ARFGEF1: variants seen among roughly 807,000 people sequenced by gnomAD.
ARFGEF1 encodes the protein brefeldin A-inhibited guanine nucleotide-exchange protein 1.
A neutral mutation model predicts 231.0 loss-of-function variants in ARFGEF1; 42 were observed. That is an observed-to-expected ratio of 0.18 (90% CI 0.14 to 0.24). The LOEUF (loss-of-function observed/expected upper bound fraction) is 0.24. Among genes scored for constraint, ARFGEF1 ranks in the 10% least tolerant of loss-of-function variants. The pLI, the probability that ARFGEF1 is intolerant of heterozygous loss-of-function variation, is 1.00. For missense variants in ARFGEF1, 1,345 were observed against 2,192.0 expected (o/e 0.61, Z 7.72); for synonymous variants, 710 against 732.3 (o/e 0.97, Z 0.49).
Position 67,227,427 on chromosome 8 carries a change from C to A in ARFGEF1, c.3743+20G>T. Reference sequence around the variant, plus strand: ...ACAACAAGATTTTCCTTCTATTAAGCAATTCAACAAATATAGTACCTGTTC... The same window carrying A: ...ACAACAAGATTTTCCTTCTATTAAGAAATTCAACAAATATAGTACCTGTTC... On this transcript the variant is annotated intron_variant, in intron 26 of 38. Coordinates refer to ENST00000262215, the MANE Select transcript of ARFGEF1 (RefSeq NM_006421.5). The A allele has an allele frequency of 1.2e-6, 2 of 1,607,486 alleles. No homozygotes were observed. The highest frequency in any genetic ancestry group is 1.7e-6 in the Non-Finnish European group (2 of 1,176,110).
intron 1 of ARFGEF1, among the ~76,000 whole-genome samples, chr8:67,329,986 C>G (rs1458692340): frequency 1.3e-5 from 2 of 151,478 alleles, no homozygotes; most frequent in Non-Finnish European, 2.9e-5. Flanking sequence ...AATTTAATAA[C>G]ACAAAACTGA....
At chr8:67,271,991 A>T (rs1191801829) in intron 9 of ARFGEF1, 55 bp from the exon 10 acceptor site, 1 of 1,100,002 alleles carries the variant, frequency 9.1e-7, no homozygotes, top group Non-Finnish European at 1.3e-6. Flanking sequence ...TTATAGTAAT[A>T]ACAGGTTGTT....
At chr8:67,228,292 A>C in intron 23 of ARFGEF1, 28 bp from the exon 24 acceptor site, 2 of 1,585,636 alleles carry the variant, frequency 1.3e-6, no homozygotes, top group Non-Finnish European at 1.7e-6. Context: ...CAATTTAAAA[A>C]ATTTATAAGT....
chr8:67,218,207 A>AAAAAAAATATATATATATAT (rs1491555936), intron 30 of ARFGEF1, 69 bp from the exon 31 acceptor site: 1 of 90,852 alleles, frequency 1.1e-5, no homozygotes, highest in African/African-American at 6.9e-5. Flanking sequence ...AAAAAAAAAA[A>AAAAAAAATATATATATATAT]ATATATATAT....
rs562598310 is a variant in ARFGEF1, at chr8:67,217,845, A to G, written c.4550T>C (p.Leu1517Pro). The change falls in exon 32 of 39, where the codon CTA (leucine) becomes CCA (proline). Residue 1517 changes from leucine to proline, a missense_variant. Leu to Pro is a moderately conservative substitution (Grantham distance 98). Coordinates refer to ENST00000262215, the MANE Select transcript of ARFGEF1 (RefSeq NM_006421.5). ...GTTGCAAGTTTTATCCCAGATTTCT[A>G]GGGTAAATTTTTCACCATTCAGAAT... ...VVILNGEKFT[L>P]EIWDKTCNCT... The G allele has an allele frequency of 1.2e-6, 2 of 1,614,084 alleles. No homozygotes were observed. Among genetic ancestry groups the G allele is most frequent in the African/African-American group, 1.3e-5 (1 of 75,048 alleles).
chr8:67,239,608 C>T (rs1213783458), intron 20 of ARFGEF1, among the ~76,000 whole-genome samples: 1 of 151,554 alleles, frequency 6.6e-6, no homozygotes. Context: ...TATACATTTG[C>T]TCATTTTCTC....
At chr8:67,278,271 T>C (rs181416248) in intron 7 of ARFGEF1, among the ~76,000 whole-genome samples, 122 of 152,326 alleles carry the variant, frequency 8.0e-4, no homozygotes, top group Middle Eastern at 6.8e-3. Flanking sequence ...TTCAATCATG[T>C]CTTCACCAGT....
chr8:67,178,484 C>A (rs1009260242), intron 5 of ARFGEF1, among the ~76,000 whole-genome samples: 10 of 152,078 alleles, frequency 6.6e-5, no homozygotes, highest in Non-Finnish European at 1.5e-4. Flanking sequence ...GGTTACATTC[C>A]AGAAGGAGGG....
At chr8:67,296,404 C>G (rs557065138) in intron 5 of ARFGEF1, 27 bp downstream of exon 5, 1 of 1,608,378 alleles carries the variant, frequency 6.2e-7, no homozygotes, top group African/African-American at 1.3e-5. Context: ...GTGTTCTATA[C>G]AACCTCTCTC....
At chr8:67,317,904 A>T (rs1203597006) in intron 1 of ARFGEF1, among the ~76,000 whole-genome samples, 1 of 150,520 alleles carries the variant, frequency 6.6e-6, no homozygotes, top group Non-Finnish European at 1.5e-5. Flanking sequence ...GTCTCAAAAA[A>T]AAAAAAAAAA....
intron 7 of ARFGEF1, among the ~76,000 whole-genome samples, chr8:67,286,740 G>GA (rs1805776708): frequency 6.6e-6 from 1 of 151,302 alleles, no homozygotes; most frequent in African/African-American, 2.4e-5. Context: ...AATCATGGTC[G>GA]GTTCTTCACT....
In ARFGEF1 at chr8:67,238,397, A is replaced by G; in HGVS notation, c.3235T>C (p.Ser1079Pro). The G allele has an allele frequency of 6.2e-7, 1 of 1,613,638 alleles. No homozygotes were observed. The highest frequency in any genetic ancestry group is 2.2e-5 in the East Asian group (1 of 44,838). ...GCCTGATCTTTTGTTCCAGTAAGAG[A>G]TCCTTCTCTGCCTCGCACTGTTCCA... ...ISGTVRGREG[S>P]LTGTKDQAPD... Residue 1079 changes from serine to proline, a missense_variant, in exon 22 of 39, where the codon TCT (serine) becomes CCT (proline). Ser to Pro is a moderately conservative substitution (Grantham distance 74). Transcript: ENST00000262215.
chr8:67,326,537 GTGA>G (rs1251477894), intron 1 of ARFGEF1, among the ~76,000 whole-genome samples: 1 of 152,098 alleles, frequency 6.6e-6, no homozygotes, highest in East Asian at 1.9e-4. Flanking sequence ...TTTCTTTTTT[GTGA>G]TGAAGCTAAG....
At chr8:67,289,324 T>C (rs1392473320) in intron 6 of ARFGEF1, among the ~76,000 whole-genome samples, 1 of 151,374 alleles carries the variant, frequency 6.6e-6, no homozygotes, top group Non-Finnish European at 1.5e-5. Context: ...GGAAGCTGGG[T>C]GGGAGGATCA....
chr8:67,231,165 A>T (rs1056570302), intron 23 of ARFGEF1, among the ~76,000 whole-genome samples: 1 of 152,104 alleles, frequency 6.6e-6, no homozygotes, highest in African/African-American at 2.4e-5. Flanking sequence ...TAATGGACCA[A>T]AGTTTGAACA....
At chr8:67,322,734 G>A (rs751203639) in intron 1 of ARFGEF1, among the ~76,000 whole-genome samples, 2 of 152,110 alleles carry the variant, frequency 1.3e-5, no homozygotes, top group Non-Finnish European at 2.9e-5. Context: ...TGTCTTTACC[G>A]AAAAGTCTTC....
At position 67,301,744 on chromosome 8, in the gene ARFGEF1, GTTTT is replaced by G. The variant is rs546127329; in HGVS notation, c.156-368_156-365del. On this transcript the variant is annotated intron_variant, in intron 2 of 38. Transcript: ENST00000262215. ...TCTATTTGTCCTTAAGTCAAAGTGA[GTTTT>G]TTTAGTTATTCAATATTGTCCTAAA... 2.0e-5 allele frequency among the ~76,000 whole-genome samples: 3 copies of G among 152,056 alleles called. No homozygotes were observed. The East Asian group carries it at 5.8e-4, about 29-fold the overall frequency.
intron 1 of ARFGEF1, among the ~76,000 whole-genome samples, chr8:67,309,097 G>A (rs947992323): frequency 7.9e-5 from 12 of 152,188 alleles, no homozygotes; most frequent in Admixed American, 4.6e-4. Flanking sequence ...TGTCATTTGC[G>A]ACAACATAGG....
chr8:67,291,965 G>A lies in ARFGEF1; in HGVS notation c.798C>T (p.Asp266=). 6.2e-7 allele frequency: 1 copy of A among 1,613,898 alleles called. No homozygotes were observed. The highest frequency in any genetic ancestry group is 8.5e-7 in the Non-Finnish European group (1 of 1,179,882). Residue 266 remains aspartate, a synonymous_variant, in exon 6 of 39, where the codon GAC becomes GAT. Coordinates refer to ENST00000262215, the MANE Select transcript of ARFGEF1 (RefSeq NM_006421.5). ...TTTTATCTACATCATTTGTATGGAG[G>A]TCAAGGTCCCCTTCGTGTTCTTGGG... is the stretch of plus-strand genomic sequence containing the variant. ...HISQEHEGDL[D]LHTNDVDKSL...
Sources: gnomAD v4.1 joint callset for allele counts (sites outside exome capture counted in the v4.1 genomes callset) on GRCh38, gnomAD v4.1.1 for gene constraint, MANE v1.5 for transcripts, NCBI Gene and HGNC (gene_info 2026-07-23, HGNC 2026-07-21) for gene names.